GBP5: variants seen among roughly 807,000 people sequenced by gnomAD.
GBP5 encodes guanylate binding protein 5, also known as guanylate-binding protein 5.
A neutral mutation model predicts 58.2 loss-of-function variants in GBP5; 48 were observed. The observed-to-expected ratio is 0.83, with a 90% CI of 0.65 to 1.05. The LOEUF (loss-of-function observed/expected upper bound fraction) is 1.05, where lower values mean the gene tolerates loss of function less well. Among genes scored for constraint, GBP5 ranks in the 50% least tolerant of loss-of-function variants. The pLI is 0.00. For synonymous variants in GBP5, 248 were observed against 251.8 expected (o/e 0.98, Z 0.14); for missense variants, 714 against 686.8 (o/e 1.04, Z -0.44).
chr1:89,266,002 G>T (rs1342818680), intron 7 of GBP5, among the ~76,000 whole-genome samples: 1 of 152,132 alleles, frequency 6.6e-6, no homozygotes, highest in Non-Finnish European at 1.5e-5. Flanking sequence ...GAACATATAT[G>T]TCTTGTTCAT....
At chr1:89,263,136 T>C in intron 9 of GBP5, 1 of 175,860 alleles carries the variant, frequency 5.7e-6, no homozygotes, top group Non-Finnish European at 1.2e-5. Flanking sequence ...GAATGACAGA[T>C]ATATGCTGGA....
chr1:89,265,976 G>A (rs764633191), intron 7 of GBP5, among the ~76,000 whole-genome samples: 5 of 152,132 alleles, frequency 3.3e-5, no homozygotes, highest in Admixed American at 6.5e-5. Flanking sequence ...TATCAACCAC[G>A]TTTCACTTAT....
intron 1 of GBP5, chr1:89,271,862 A>T (rs1650469193): frequency 6.6e-6 from 1 of 152,232 alleles, no homozygotes. Flanking sequence ...CCCAACACAA[A>T]AGGGGTTAGT....
rs964465628 is a variant in GBP5, at chr1:89,258,798, GAT to G, written c.*1904_*1905del. Among the ~76,000 whole-genome samples, 1 of 152,026 alleles carries G rather than the reference GAT, an allele frequency of 6.6e-6. No homozygotes were observed. The highest frequency in any genetic ancestry group is 2.4e-5 in the African/African-American group (1 of 41,418). ...TTTAAACAAAAAAAATTTTACTGGA[GAT>G]ATACAAAACAAAGTAACAAAAAGTA... On this transcript the variant is annotated 3_prime_UTR_variant, in exon 12 of 12. Coordinates refer to ENST00000370459, the MANE Select transcript of GBP5 (RefSeq NM_052942.5).
intron 4 of GBP5, among the ~76,000 whole-genome samples, chr1:89,267,804 G>A (rs1480258485): frequency 1.3e-5 from 2 of 152,062 alleles, no homozygotes; most frequent in Non-Finnish European, 2.9e-5. Flanking sequence ...AAACAAAATT[G>A]GCCTATATAC....
intron 4 of GBP5, 114 bp from the exon 5 acceptor site, chr1:89,267,640 A>C: frequency 1.5e-6 from 1 of 672,774 alleles, no homozygotes; most frequent in Non-Finnish European, 2.7e-6. Flanking sequence ...GATTGTTAGA[A>C]ATATTAACTT....
intron 8 of GBP5, among the ~76,000 whole-genome samples, 155 bp downstream of exon 8, chr1:89,264,531 G>C (rs1032992489): frequency 1.3e-5 from 2 of 152,104 alleles, no homozygotes; most frequent in African/African-American, 4.8e-5. Context: ...TTACATGTTT[G>C]CTCATTTGTT....
chr1:89,257,331 A>C lies in GBP5; in HGVS notation c.*3373T>G, dbSNP rs1649818791. Among the ~76,000 whole-genome samples, 1 of 152,128 alleles carries C rather than the reference A, an allele frequency of 6.6e-6. No individual in the cohort carries two copies. Among genetic ancestry groups the C allele is most frequent in the Non-Finnish European group, 1.5e-5 (1 of 68,012 alleles). On this transcript the variant is annotated 3_prime_UTR_variant, in exon 12 of 12. Transcript: ENST00000370459. Reference sequence around the variant, plus strand: ...GGCGACTTATTCACTATCATGAAAAAAGCACATGAAAACCCACCCCCATGA... The same window carrying C: ...GGCGACTTATTCACTATCATGAAAACAGCACATGAAAACCCACCCCCATGA...
chr1:89,260,399 G>T lies in GBP5; in HGVS notation c.*305C>A. The stretch of plus-strand genomic sequence containing the variant: ...TATGAGAAATTAGACAGATGACATT[G>T]AGATGCAAGGAAAGCATCTCCTGAT... On this transcript the variant is annotated 3_prime_UTR_variant, in exon 12 of 12. Transcript: ENST00000370459. 1 of 151,012 alleles carries T rather than the reference G, an allele frequency of 6.6e-6. No individual in the cohort carries two copies. The highest frequency in any genetic ancestry group is 1.3e-5 in the Non-Finnish European group (1 of 78,750). 9.4% of individuals were successfully genotyped at this position (151,012 alleles called of 1,614,324 possible). A position where few individuals can be genotyped will look rare whatever the true frequency, so the allele number is the denominator to read the frequency against.
At chr1:89,264,038 T>C in intron 8 of GBP5, 90 bp from the exon 9 acceptor site, 1 of 870,674 alleles carries the variant, frequency 1.1e-6, no homozygotes, top group Non-Finnish European at 1.8e-6. Flanking sequence ...TATTTTTTTC[T>C]ACAAACTTAG....
In GBP5 at chr1:89,269,459, C is replaced by G. The variant is rs141969719; in HGVS notation, c.97G>C (p.Ala33Pro). 17 of 1,614,088 alleles carry G rather than the reference C, an allele frequency of 1.1e-5. No individual in the cohort carries two copies. The highest frequency in any genetic ancestry group is 1.4e-5 in the Non-Finnish European group (17 of 1,179,966). Residue 33 changes from alanine (A) to proline (P), a missense_variant, in exon 3 of 12, where the codon GCC (alanine) becomes CCC (proline). Transcript: ENST00000370459. Reference protein sequence around the residue: ...VNQEALEILSAITQPVVVVAI... With the variant: ...VNQEALEILSPITQPVVVVAI... ...ACCACAACTACAGGTTGCGTAATGG[C>G]AGACAGGATCTCCAAAGCTTCCTGA... is the stretch of plus-strand genomic sequence containing the variant.
rs1447591585 is a variant in GBP5 at position 89,256,922 on chromosome 1, A to G, written c.*3782T>C. ...TTTCTATTCTGTTGGTGATCGTTAT[A>G]CACTAGAGTCATTACCACATTTTCT... On this transcript the variant is annotated 3_prime_UTR_variant, in exon 12 of 12. Coordinates refer to ENST00000370459, the MANE Select transcript of GBP5 (RefSeq NM_052942.5). Among the ~76,000 whole-genome samples, 1 of 152,104 alleles carries G rather than the reference A, an allele frequency of 6.6e-6. No individual in the cohort carries two copies. Among genetic ancestry groups the G allele is most frequent in the Non-Finnish European group, 1.5e-5 (1 of 68,034 alleles).
In GBP5 at chr1:89,257,885, A is replaced by T. The variant is rs1011600052; in HGVS notation, c.*2819T>A. The stretch of plus-strand genomic sequence containing the variant: ...AGAAGTCTGTGAAGCTTAAATCAAG[A>T]TGTTAACAAGGCTGCATTCCATCTG... On this transcript the variant is annotated 3_prime_UTR_variant, in exon 12 of 12. Transcript: ENST00000370459. Among the ~76,000 whole-genome samples, 2 of 152,240 alleles carry T rather than the reference A, an allele frequency of 1.3e-5. No homozygotes were observed. The highest frequency in any genetic ancestry group is 2.9e-5 in the Non-Finnish European group (2 of 68,034).
Position 89,266,457 on chromosome 1 carries a change from C to G in GBP5, c.757G>C (p.Asp253His). The G allele has an allele frequency of 6.2e-7, 1 of 1,614,164 alleles. No homozygotes were observed. Among genetic ancestry groups the G allele is most frequent in the Non-Finnish European group, 8.5e-7 (1 of 1,180,010 alleles). Reference protein sequence around the residue: ...KKLAQLETLPDDELEPEFVQQ... With the variant: ...KKLAQLETLPHDELEPEFVQQ... ...ACAAATTCAGGCTCTAGCTCATCAT[C>G]AGGCAGTGTTTCAAGTTGGGCAAGC... The change falls in exon 7 of 12, where the codon GAT becomes CAT. Residue 253 changes from aspartate to histidine, a missense_variant. Physicochemically the swap from Asp to His is moderately conservative, Grantham distance 81 (BLOSUM62 -1). Coordinates refer to ENST00000370459, the MANE Select transcript of GBP5 (RefSeq NM_052942.5).
chr1:89,268,960 C>T lies in GBP5; in HGVS notation c.191-104G>A. 3 of 1,118,174 alleles carry T rather than the reference C, an allele frequency of 2.7e-6. No homozygotes were observed. In the South Asian group the frequency reaches 4.1e-5, roughly 15 times the overall value. 69.3% of individuals were successfully genotyped at this position (1,118,174 alleles called of 1,614,324 possible). On this transcript the variant is annotated intron_variant, in intron 3 of 11. Transcript: ENST00000370459. ...TAAGGAAAGCAAGATGAGGAGATAG[C>T]AGAATGTACAACCAGTATTGATTTG... is the stretch of plus-strand genomic sequence containing the variant.
At chr1:89,271,724 G>A (rs1206742543) in intron 1 of GBP5, 1 of 152,158 alleles carries the variant, frequency 6.6e-6, no homozygotes, top group African/African-American at 2.4e-5. Context: ...TATGTGTCAT[G>A]GTAAGAAATT....
Position 89,264,887 on chromosome 1 carries a change from G to A in GBP5, c.948C>T (p.Ala316=), listed in dbSNP as rs552164306. ...DLPCIENAVL[A]LAQRENSAAV... ...CAGCTGAGTTCTCTCTCTGAGCCAAGGCCAGGACTGCATTCTCTATGCAAG... is the reference window on the plus strand; with the variant it reads ...CAGCTGAGTTCTCTCTCTGAGCCAAAGCCAGGACTGCATTCTCTATGCAAG... Residue 316 remains alanine (A), a synonymous_variant, in exon 8 of 12, where the codon GCC becomes GCT. Coordinates refer to ENST00000370459, the MANE Select transcript of GBP5 (RefSeq NM_052942.5). 3.7e-6 allele frequency: 6 copies of A among 1,614,202 alleles called. No individual in the cohort carries two copies. In the African/African-American group the frequency reaches 4.0e-5, roughly 11 times the overall value.
rs1011921294 is a variant in GBP5 at position 89,259,052 on chromosome 1, A to C, written c.*1652T>G. 1.3e-5 allele frequency: 2 copies of C among 152,202 alleles called. No homozygotes were observed. Among genetic ancestry groups the C allele is most frequent in the African/African-American group, 4.8e-5 (2 of 41,456 alleles). 9.4% of individuals were successfully genotyped at this position (152,202 alleles called of 1,614,324 possible). On this transcript the variant is annotated 3_prime_UTR_variant, in exon 12 of 12. Transcript: ENST00000370459. ...AAAAATCAGTCATTTTTCATATATA[A>C]TTGCAAAGAATTAAGATCATTTAAC...
chr1:89,266,627 T>C, intron 6 of GBP5, 39 bp from the exon 7 acceptor site: 1 of 1,549,830 alleles, frequency 6.5e-7, no homozygotes, highest in African/African-American at 1.4e-5. Context: ...GCATAGACTT[T>C]GCACTCATTT....
Sources: allele counts gnomAD v4.1 joint callset (sites outside exome capture counted in the v4.1 genomes callset), GRCh38; gene constraint gnomAD v4.1.1; transcripts MANE v1.5; gene names NCBI Gene and HGNC (gene_info 2026-07-23, HGNC 2026-07-21).